The following RRP1B variants were observed in gnomAD, a reference collection of about 807,000 sequenced individuals.
The protein encoded by RRP1B is ribosomal RNA processing protein 1 homolog B.
In RRP1B, 56 loss-of-function variants were observed where a neutral mutation model predicts 80.2. The observed-to-expected ratio is 0.70, with a 90% CI of 0.56 to 0.87. RRP1B has a LOEUF of 0.87. RRP1B is among the 40% of genes least tolerant of loss of function. The probability of loss-of-function intolerance (pLI) is 0.00; values close to 1 mark genes in which losing one functional copy is unlikely to be tolerated. For synonymous variants in RRP1B, 351 were observed against 357.6 expected (o/e 0.98, Z 0.21); for missense variants, 807 against 939.8 (o/e 0.86, Z 1.85).
At position 43,693,430 on chromosome 21, in the gene RRP1B, C is replaced by T. The variant is rs767006873; in HGVS notation, c.*47C>T. The T allele has an allele frequency of 6.9e-6, 10 of 1,450,008 alleles. No individual in the cohort carries two copies. Among genetic ancestry groups the T allele is most frequent in the Non-Finnish European group, 8.3e-6 (9 of 1,088,646 alleles). 89.8% of individuals were successfully genotyped at this position (1,450,008 alleles called of 1,614,324 possible). On this transcript the variant is annotated 3_prime_UTR_variant, in exon 16 of 16. Transcript: ENST00000340648. This position sits in a 1 kb window ranked among gnomAD's most constrained non-coding sequence, Gnocchi z 4.1. ...AAAGACTGCTTTTGTACAGAATGCG[C>T]TATAAATTATACCTTTAAGAATGTG...
At chr21:43,674,787 G>T in intron 5 of RRP1B, 90 bp downstream of exon 5, 1 of 1,198,980 alleles carries the variant, frequency 8.3e-7, no homozygotes, top group East Asian at 2.3e-5. Context: ...GAGTACCAAT[G>T]AGAAGCTCGA....
chr21:43,696,001 A>G lies in RRP1B; in HGVS notation c.*2618A>G, dbSNP rs914620911. On this transcript the variant is annotated 3_prime_UTR_variant, in exon 16 of 16. Coordinates refer to ENST00000340648, the MANE Select transcript of RRP1B (RefSeq NM_015056.3). ...CTGGCAAGGACTTTGTTTACGATCAAATTGTACTAGTGTCTGCAGGGTTTG... is the reference window on the plus strand; with the variant it reads ...CTGGCAAGGACTTTGTTTACGATCAGATTGTACTAGTGTCTGCAGGGTTTG... The G allele has an allele frequency of 1.3e-5, 2 of 152,160 alleles. No homozygotes were observed. Among genetic ancestry groups the G allele is most frequent in the African/African-American group, 4.8e-5 (2 of 41,416 alleles). 9.4% of individuals were successfully genotyped at this position (152,160 alleles called of 1,614,324 possible).
chr21:43,670,465 G>A (rs527752913), intron 2 of RRP1B, among the ~76,000 whole-genome samples: 12 of 152,350 alleles, frequency 7.9e-5, no homozygotes, highest in African/African-American at 2.6e-4. Context: ...CTCTCTGTGC[G>A]GGGCCTGCTG....
intron 1 of RRP1B, among the ~76,000 whole-genome samples, chr21:43,664,303 G>A (rs1404984715): frequency 6.8e-6 from 1 of 148,018 alleles, no homozygotes; most frequent in Non-Finnish European, 1.5e-5. Flanking sequence ...CTGCAGCCTG[G>A]GCAACAAGAG....
At chr21:43,673,634 C>CAAAAA (rs557525643) in intron 3 of RRP1B, among the ~76,000 whole-genome samples, 3 of 66,068 alleles carry the variant, frequency 4.5e-5, no homozygotes, top group Non-Finnish European at 7.7e-5. Context: ...ACCCCGTCTC[C>CAAAAA]AAAAAAAAAA....
chr21:43,661,990 G>C (rs2082959526), intron 1 of RRP1B, among the ~76,000 whole-genome samples: 2 of 152,186 alleles, frequency 1.3e-5, no homozygotes, highest in Non-Finnish European at 2.9e-5. Flanking sequence ...TTGTGTCTCT[G>C]TTGTAGCACT....
intron 6 of RRP1B, 97 bp downstream of exon 6, chr21:43,675,260 C>A: frequency 8.6e-7 from 1 of 1,157,840 alleles, no homozygotes; most frequent in Non-Finnish European, 1.2e-6. Flanking sequence ...TTCGCATGAC[C>A]AGCGACTGTA....
At chr21:43,692,495 A>G (rs1433155027) in intron 15 of RRP1B, among the ~76,000 whole-genome samples, 1 of 151,886 alleles carries the variant, frequency 6.6e-6, no homozygotes, top group Non-Finnish European at 1.5e-5. Flanking sequence ...GCTGCTCGAG[A>G]GGCTGAGGCA....
intron 15 of RRP1B, among the ~76,000 whole-genome samples, chr21:43,692,343 G>A (rs9982727): frequency 0.59 from 90,239 of 151,986 alleles, 27,678 homozygotes; most frequent in East Asian, 0.82. Context: ...GCTCATGCCT[G>A]TAATCCCAAC....
At chr21:43,677,284 C>T (rs902113847) in intron 8 of RRP1B, among the ~76,000 whole-genome samples, 7 of 152,200 alleles carry the variant, frequency 4.6e-5, no homozygotes, top group Admixed American at 1.3e-4. Flanking sequence ...ACTCGAGGGA[C>T]GTACGCTTGT....
intron 4 of RRP1B, 50 bp from the exon 5 acceptor site, chr21:43,674,586 C>CTT (rs33994751): frequency 0.17 from 67,132 of 387,874 alleles, 9,117 homozygotes; most frequent in African/African-American, 0.28. Context: ...CTTACCTTTC[C>CTT]TTTTTTTTTT....
At chr21:43,686,587 C>T (rs1362712999) in intron 11 of RRP1B, 1 of 502,732 alleles carries the variant, frequency 2.0e-6, no homozygotes, top group Non-Finnish European at 3.5e-6. Flanking sequence ...GAGGGTGTCA[C>T]CGAGGGCTTG....
intron 3 of RRP1B, among the ~76,000 whole-genome samples, chr21:43,673,240 C>T (rs1490619573): frequency 1.3e-5 from 2 of 152,170 alleles, no homozygotes; most frequent in East Asian, 1.9e-4. Flanking sequence ...TTAAAAGAAA[C>T]GTGGCTTTGC....
At position 43,690,334 on chromosome 21, in the gene RRP1B, C is replaced by T; in HGVS notation, c.1913C>T (p.Ala638Val). 6.2e-7 allele frequency: 1 copy of T among 1,614,196 alleles called. No individual in the cohort carries two copies. The part of the protein sequence containing the change: ...CSSLKKQKLR[A>V]ESDFVKFDTP... Reference sequence around the variant, plus strand: ...TCCCTGAAGAAGCAGAAGCTGAGGGCAGAGAGCGACTTTGTGAAGTTTGAC... The same window carrying T: ...TCCCTGAAGAAGCAGAAGCTGAGGGTAGAGAGCGACTTTGTGAAGTTTGAC... Residue 638 changes from alanine to valine, a missense_variant, in exon 14 of 16, where the codon GCA becomes GTA. By Grantham distance (64) the Ala-to-Val change is moderately conservative. Coordinates refer to ENST00000340648, the MANE Select transcript of RRP1B (RefSeq NM_015056.3).
At chr21:43,671,089 G>A (rs1017678130) in intron 2 of RRP1B, among the ~76,000 whole-genome samples, 5 of 152,170 alleles carry the variant, frequency 3.3e-5, no homozygotes, top group African/African-American at 1.2e-4. Context: ...GAGTCAGACT[G>A]ATGAGGAGTG....
intron 1 of RRP1B, among the ~76,000 whole-genome samples, chr21:43,667,237 G>GT (rs1388495376): frequency 2.6e-5 from 4 of 152,116 alleles, no homozygotes; most frequent in Admixed American, 6.6e-5. Flanking sequence ...TTGTTTGTTT[G>GT]TTTGTTTGAG....
At position 43,693,524 on chromosome 21, in the gene RRP1B, T is replaced by C. The variant is rs1483854045; in HGVS notation, c.*141T>C. ...CGAGGTTCTGAGAGTGCCCGCAGGC[T>C]GCTGCGTCCTGGCCCCTCTGTAGTG... On this transcript the variant is annotated 3_prime_UTR_variant, in exon 16 of 16. Coordinates refer to ENST00000340648, the MANE Select transcript of RRP1B (RefSeq NM_015056.3). The surrounding 1 kb of genome is among the most constrained non-coding windows in gnomAD (Gnocchi z 4.1). 1 of 770,034 alleles carries C rather than the reference T, an allele frequency of 1.3e-6. No homozygotes were observed. The highest frequency in any genetic ancestry group is 2.0e-6 in the Non-Finnish European group (1 of 511,758). 47.7% of individuals were successfully genotyped at this position (770,034 alleles called of 1,614,324 possible). A position where few individuals can be genotyped will look rare whatever the true frequency, so the allele number is the denominator to read the frequency against.
At chr21:43,675,276 G>A (rs1271303870) in intron 6 of RRP1B, 113 bp downstream of exon 6, 28 of 973,418 alleles carry the variant, frequency 2.9e-5, no homozygotes, top group East Asian at 4.8e-5. Flanking sequence ...CTGTAGCAGC[G>A]TGAATTGCTT....
intron 15 of RRP1B, among the ~76,000 whole-genome samples, chr21:43,692,101 T>C (rs2083089339): frequency 6.6e-6 from 1 of 152,264 alleles, no homozygotes; most frequent in South Asian, 2.1e-4. Flanking sequence ...AAAAAGCCGT[T>C]TTCCCAAGTG....
Sources: gnomAD v4.1 joint callset for allele counts (sites outside exome capture counted in the v4.1 genomes callset) on GRCh38, gnomAD v4.1.1 for gene constraint, Gnocchi (gnomAD v3.1) non-coding constraint, MANE v1.5 for transcripts, NCBI Gene and HGNC (gene_info 2026-07-23, HGNC 2026-07-21) for gene names.